The following PGBD5 variants were observed in gnomAD, a reference collection of about 807,000 sequenced individuals.
PGBD5 encodes the protein piggyBac transposable element-derived protein 5.
In PGBD5, 14 loss-of-function variants were observed where a neutral mutation model predicts 47.9. That is an observed-to-expected ratio of 0.29 (90% CI 0.19 to 0.46). The LOEUF is 0.46. Among genes scored for constraint, PGBD5 ranks in the 20% least tolerant of loss-of-function variants. The probability of loss-of-function intolerance (pLI) is 1.00; values close to 1 mark genes in which losing one functional copy is unlikely to be tolerated. For synonymous variants in PGBD5, 316 were observed against 306.3 expected (o/e 1.03, Z -0.33); for missense variants, 635 against 716.0 (o/e 0.89, Z 1.29).
rs147073293 is a variant in PGBD5, at chr1:230,357,059, G to A, written c.594C>T (p.Ser198=). Residue 198 remains serine (S), a synonymous_variant, in exon 2 of 7, where the codon AGC becomes AGT. Transcript: ENST00000391860. This position sits in a 1 kb window ranked among gnomAD's most constrained non-coding sequence, Gnocchi z 5.7. ...GGGCCTGGCTCATGACGAGGGCGAG[G>A]CTGCGGTTGCTGTAGAAGCCTCCGC... The part of the protein sequence containing the change: ...IWSGGFYSNR[S]LALVMSQARF... The A allele has an allele frequency of 9.9e-6, 16 of 1,614,068 alleles. No individual in the cohort carries two copies. The highest frequency in any genetic ancestry group is 1.4e-5 in the Non-Finnish European group (16 of 1,180,032).
chr1:230,394,458 C>T (rs1656873731), intron 1 of PGBD5, among the ~76,000 whole-genome samples: 1 of 130,290 alleles, frequency 7.7e-6, no homozygotes, highest in Non-Finnish European at 1.6e-5. Flanking sequence ...TGCTGCTCCT[C>T]CCCCTAGTTG....
chr1:230,370,728 CTG>C (rs1250863546), intron 1 of PGBD5, among the ~76,000 whole-genome samples: 1 of 152,216 alleles, frequency 6.6e-6, no homozygotes, highest in Non-Finnish European at 1.5e-5. Context: ...GACCACCACA[CTG>C]TGGTCTTACT....
At chr1:230,385,378 C>T (rs980830469) in intron 1 of PGBD5, among the ~76,000 whole-genome samples, 15 of 152,180 alleles carry the variant, frequency 9.9e-5, no homozygotes, top group Middle Eastern at 3.4e-3. Context: ...TTTTACGTGA[C>T]GGGAAAAATG....
intron 1 of PGBD5, among the ~76,000 whole-genome samples, chr1:230,388,623 G>A (rs1421897285): frequency 5.9e-5 from 9 of 152,110 alleles, no homozygotes; most frequent in East Asian, 1.9e-4. Context: ...CACCATGTTA[G>A]CCAGGATGGC....
At position 230,405,111 on chromosome 1, in the gene PGBD5, C is replaced by T. The variant is rs527649926; in HGVS notation, c.331+20487G>A. Among the ~76,000 whole-genome samples the T allele has an allele frequency of 4.0e-5, 6 of 150,508 alleles. No individual in the cohort carries two copies. In the East Asian group the frequency reaches 5.8e-4, roughly 15 times the overall value. The stretch of plus-strand genomic sequence containing the variant: ...TTGGGAGGCTGAGGCGGGAGAATGG[C>T]GTGAACCTGGGAGGCGGAGCTTGCA... On this transcript the variant is annotated intron_variant, in intron 1 of 6. Transcript: ENST00000391860.
chr1:230,330,986 T>A (rs1054891666), intron 5 of PGBD5, among the ~76,000 whole-genome samples: 1 of 152,198 alleles, frequency 6.6e-6, no homozygotes, highest in Non-Finnish European at 1.5e-5. Flanking sequence ...TTTTAACATT[T>A]GTCATCTTAA....
intron 3 of PGBD5, among the ~76,000 whole-genome samples, chr1:230,347,137 A>G (rs1399073498): frequency 6.6e-6 from 1 of 152,258 alleles, no homozygotes; most frequent in Non-Finnish European, 1.5e-5. Flanking sequence ...GGTGGTCAAC[A>G]GCAGTGAGAA....
At chr1:230,338,543 T>C (rs1667362256) in intron 3 of PGBD5, among the ~76,000 whole-genome samples, 1 of 152,226 alleles carries the variant, frequency 6.6e-6, no homozygotes, top group African/African-American at 2.4e-5. Context: ...CTCACGCCTG[T>C]AATCCCAGCA....
chr1:230,354,024 G>T (rs1052000655), intron 2 of PGBD5, among the ~76,000 whole-genome samples: 2 of 152,194 alleles, frequency 1.3e-5, no homozygotes, highest in African/African-American at 4.8e-5. Flanking sequence ...GGAGAGCCAG[G>T]CCCACCCCAA....
In PGBD5 at chr1:230,318,637, G is replaced by A. The variant is rs1666984877; in HGVS notation, c.*4788C>T. ...GGCAAGCCCTCGCTTAAGGAAGAGGGACCAGAACCACAAAGCTGGCATGTG... is the reference window on the plus strand; with the variant it reads ...GGCAAGCCCTCGCTTAAGGAAGAGGAACCAGAACCACAAAGCTGGCATGTG... On this transcript the variant is annotated 3_prime_UTR_variant, in exon 7 of 7. Transcript: ENST00000391860. 6.6e-6 allele frequency: 1 copy of A among 152,258 alleles called. No homozygotes were observed. The allele number at this position is 152,258 out of a possible 1,614,324, so 9.4% of individuals were successfully genotyped here. A position where few individuals can be genotyped will look rare whatever the true frequency, so the allele number is the denominator to read the frequency against.
At chr1:230,373,805 C>T (rs1389289277) in intron 1 of PGBD5, among the ~76,000 whole-genome samples, 1 of 152,072 alleles carries the variant, frequency 6.6e-6, no homozygotes. Context: ...GCAATTCTCC[C>T]ACCTCAGTCT....
At chr1:230,374,410 C>A (rs766100618) in intron 1 of PGBD5, among the ~76,000 whole-genome samples, 1 of 152,078 alleles carries the variant, frequency 6.6e-6, no homozygotes, top group African/African-American at 2.4e-5. Context: ...GAGTAAGACT[C>A]CATCTCAAAA....
chr1:230,426,326 G>C lies in PGBD5; in HGVS notation c.-398C>G, dbSNP rs1348798682. 1 of 148,884 alleles carries C rather than the reference G, an allele frequency of 6.7e-6. No homozygotes were observed. The highest frequency in any genetic ancestry group is 1.5e-5 in the Non-Finnish European group (1 of 66,370). 9.2% of individuals were successfully genotyped at this position (148,884 alleles called of 1,614,324 possible). On this transcript the variant is annotated 5_prime_UTR_variant, in exon 1 of 7. Coordinates refer to ENST00000391860, the MANE Select transcript of PGBD5 (RefSeq NM_001258311.2). ...GCCCTCTCCACGGCCTCCGGCGCTC[G>C]GCTGCCGACCTTCCCGGGCGCGAGC...
intron 3 of PGBD5, among the ~76,000 whole-genome samples, chr1:230,348,117 C>T (rs1667503815): frequency 6.6e-6 from 1 of 152,218 alleles, no homozygotes; most frequent in African/African-American, 2.4e-5. Context: ...TGCAACTGAG[C>T]TTCCCCGCTA....
intron 1 of PGBD5, among the ~76,000 whole-genome samples, chr1:230,396,722 T>G (rs543682087): frequency 2.2e-4 from 33 of 151,954 alleles, no homozygotes; most frequent in African/African-American, 7.7e-4. Flanking sequence ...GGTGTCCGCC[T>G]GAAACAACAC....
intron 3 of PGBD5, among the ~76,000 whole-genome samples, chr1:230,344,667 G>C (rs748617651): frequency 1.4e-4 from 22 of 152,194 alleles, no homozygotes; most frequent in Non-Finnish European, 2.4e-4. Flanking sequence ...TGTCATGAGG[G>C]CTCTGCCTGG....
rs1000797373 is a variant in PGBD5 at position 230,323,728 on chromosome 1, C to T, written c.1380-108G>A. ...GCCCGTGAGACGCTGCAGGTTCGCC[C>T]CCGACAGAAGCAGGAGGGCTATGGG... On this transcript the variant is annotated intron_variant, in intron 6 of 6. Transcript: ENST00000391860. The surrounding 1 kb of genome is among the most constrained non-coding windows in gnomAD (Gnocchi z 4.1). 4.5e-6 allele frequency: 5 copies of T among 1,120,898 alleles called. No homozygotes were observed. The highest frequency in any genetic ancestry group is 1.5e-5 in the South Asian group (1 of 66,336). 69.4% of individuals were successfully genotyped at this position (1,120,898 alleles called of 1,614,324 possible).
chr1:230,337,741 TCAGG>T (rs1324938964), intron 3 of PGBD5, among the ~76,000 whole-genome samples: 2 of 152,208 alleles, frequency 1.3e-5, no homozygotes, highest in African/African-American at 4.8e-5. Flanking sequence ...GTAACCCCCA[TCAGG>T]CAGGCAGAAG....
In PGBD5 at chr1:230,315,798, A is replaced by T. The variant is rs1558186365; in HGVS notation, c.*7627T>A. The T allele has an allele frequency of 7.1e-6, 1 of 140,200 alleles. No homozygotes were observed. Among genetic ancestry groups the T allele is most frequent in the Non-Finnish European group, 1.6e-5 (1 of 63,112 alleles). 8.7% of individuals were successfully genotyped at this position (140,200 alleles called of 1,614,324 possible). A position where few individuals can be genotyped will look rare whatever the true frequency, so the allele number is the denominator to read the frequency against. The stretch of plus-strand genomic sequence containing the variant: ...TGTATGCATATATGTATATATGTAT[A>T]CATATATGTATATGTGCATACATAT... On this transcript the variant is annotated 3_prime_UTR_variant, in exon 7 of 7. Transcript: ENST00000391860.
Sources: gnomAD v4.1 joint callset for allele counts (sites outside exome capture counted in the v4.1 genomes callset) on GRCh38, gnomAD v4.1.1 for gene constraint, Gnocchi (gnomAD v3.1) non-coding constraint, MANE v1.5 for transcripts, NCBI Gene and HGNC (gene_info 2026-07-23, HGNC 2026-07-21) for gene names.